Variants in TAFA5 observed in about 807,000 individuals in gnomAD.
The protein encoded by TAFA5 is TAFA chemokine like family member 5.
A neutral mutation model predicts 15.3 loss-of-function variants in TAFA5; 6 were observed. The observed-to-expected ratio is 0.39, with a 90% confidence interval of 0.21 to 0.77. The LOEUF (loss-of-function observed/expected upper bound fraction) is 0.77, where lower values mean the gene tolerates loss of function less well. Among genes scored for constraint, TAFA5 ranks in the 30% least tolerant of loss-of-function variants. The probability of loss-of-function intolerance (pLI) is 0.41; values close to 1 mark genes in which losing one functional copy is unlikely to be tolerated. For synonymous variants in TAFA5, 103 were observed against 80.7 expected (o/e 1.28, Z -1.48); for missense variants, 161 against 193.1 (o/e 0.83, Z 0.98).
At chr22:48,746,521 C>A (rs73177122) in intron 3 of TAFA5, among the ~76,000 whole-genome samples, 1 of 152,170 alleles carries the variant, frequency 6.6e-6, no homozygotes. Flanking sequence ...GAGATGCTCA[C>A]GTGGTGCTGG....
intron 3 of TAFA5, among the ~76,000 whole-genome samples, chr22:48,732,492 A>G (rs130211): frequency 0.7 from 105,616 of 151,964 alleles, 37,791 homozygotes; most frequent in African/African-American, 0.77. Flanking sequence ...TCCTAACCTC[A>G]TAATCCACCC....
Position 48,654,382 on chromosome 22 carries a change from G to A in TAFA5, c.262+7636G>A, listed in dbSNP as rs17823531. Among the ~76,000 whole-genome samples, 378 of 152,304 alleles carry A rather than the reference G, an allele frequency of 2.5e-3. 11 individuals carry two copies. In the East Asian group the frequency reaches 0.058, roughly 23 times the overall value. ...ACTGCACGTGGGATGCATCGTCCAC[G>A]GGCCTACAGGGTTTGGAAGGAGCAC... On this transcript the variant is annotated intron_variant, in intron 2 of 3. Coordinates refer to ENST00000402357, the MANE Select transcript of TAFA5 (RefSeq NM_001082967.3).
chr22:48,657,509 C>T (rs996570567), intron 2 of TAFA5, among the ~76,000 whole-genome samples: 1 of 152,198 alleles, frequency 6.6e-6, no homozygotes, highest in Non-Finnish European at 1.5e-5. Context: ...GAATAGGGGC[C>T]ACTTCTTAAC....
intron 2 of TAFA5, among the ~76,000 whole-genome samples, chr22:48,679,872 G>A (rs1159014248): frequency 6.6e-6 from 1 of 152,144 alleles, no homozygotes; most frequent in African/African-American, 2.4e-5. Context: ...GCACTCTCAG[G>A]GTTCTGCACA....
chr22:48,698,895 C>T lies in TAFA5; in HGVS notation c.263-8822C>T, dbSNP rs542120460. ...TGTGCCTCCTGCTCTACTGACCAGC[C>T]CAGAGCCCTGTTCCTCAGACCTAAG... On this transcript the variant is annotated intron_variant, in intron 2 of 3. Transcript: ENST00000402357. 2.0e-3 allele frequency among the ~76,000 whole-genome samples: 300 copies of T among 151,212 alleles called. 3 individuals carry two copies. The highest frequency in any genetic ancestry group is 0.014 in the Middle Eastern group (4 of 294).
chr22:48,578,852 G>A (rs1249624048), intron 1 of TAFA5, among the ~76,000 whole-genome samples: 1 of 152,096 alleles, frequency 6.6e-6, no homozygotes, highest in Non-Finnish European at 1.5e-5. Context: ...AGCAGTGAGA[G>A]GTGCAGGGAG....
At chr22:48,585,276 C>G (rs1330133604) in intron 1 of TAFA5, among the ~76,000 whole-genome samples, 1 of 151,504 alleles carries the variant, frequency 6.6e-6, no homozygotes, top group Non-Finnish European at 1.5e-5. Flanking sequence ...ACCACCTAAC[C>G]ACACACAACA....
At chr22:48,608,934 A>G (rs1212335743) in intron 1 of TAFA5, among the ~76,000 whole-genome samples, 2 of 152,232 alleles carry the variant, frequency 1.3e-5, no homozygotes, top group East Asian at 1.9e-4. Flanking sequence ...TGTCCGCAGT[A>G]TCTGATGGAC....
rs1425450309 is a variant in TAFA5 at position 48,750,602 on chromosome 22, A to T, written c.*755A>T. 3 of 152,610 alleles carry T rather than the reference A, an allele frequency of 2.0e-5. No homozygotes were observed. Among genetic ancestry groups the T allele is most frequent in the African/African-American group, 7.2e-5 (3 of 41,438 alleles). 9.5% of individuals were successfully genotyped at this position (152,610 alleles called of 1,614,324 possible). On this transcript the variant is annotated 3_prime_UTR_variant, in exon 4 of 4. Coordinates refer to ENST00000402357, the MANE Select transcript of TAFA5 (RefSeq NM_001082967.3). The stretch of plus-strand genomic sequence containing the variant: ...GGCCGCTTTATTCCTCTGTACTTAG[A>T]TCAACTTGACCGTACTAAAATCCCT...
intron 1 of TAFA5, among the ~76,000 whole-genome samples, chr22:48,604,465 G>A (rs1925086142): frequency 6.6e-6 from 1 of 152,222 alleles, no homozygotes; most frequent in African/African-American, 2.4e-5. Context: ...CGCCCAGCAG[G>A]GACTTTGTGG....
At chr22:48,609,158 G>A (rs35679817) in intron 1 of TAFA5, among the ~76,000 whole-genome samples, 19,380 of 152,154 alleles carry the variant, frequency 0.13, 1,332 homozygotes, top group African/African-American at 0.17. Flanking sequence ...GTGGGCGGTG[G>A]TGTGTTCTGA....
chr22:48,748,587 G>C (rs938628224), intron 3 of TAFA5, among the ~76,000 whole-genome samples: 1 of 152,202 alleles, frequency 6.6e-6, no homozygotes, highest in Non-Finnish European at 1.5e-5. Context: ...CCTCACCCCT[G>C]AGCCTCAGGT....
At chr22:48,583,516 C>G (rs1288514718) in intron 1 of TAFA5, among the ~76,000 whole-genome samples, 2 of 150,240 alleles carry the variant, frequency 1.3e-5, no homozygotes, top group Non-Finnish European at 3.0e-5. Context: ...CAACCAAACA[C>G]AAAATATACA....
intron 2 of TAFA5, among the ~76,000 whole-genome samples, chr22:48,705,769 C>T (rs762034943): frequency 1.1e-4 from 16 of 152,360 alleles, no homozygotes; most frequent in East Asian, 3.9e-4. Context: ...GTCTGGAGGA[C>T]GGTATGTTAG....
chr22:48,715,699 GT>G (rs1929382771), intron 3 of TAFA5, among the ~76,000 whole-genome samples: 1 of 152,188 alleles, frequency 6.6e-6, no homozygotes, highest in Non-Finnish European at 1.5e-5. Context: ...GACTGGGTGA[GT>G]GGTGGGGCCT....
intron 2 of TAFA5, among the ~76,000 whole-genome samples, chr22:48,667,298 T>C (rs1927650572): frequency 6.6e-6 from 1 of 152,012 alleles, no homozygotes; most frequent in Admixed American, 6.5e-5. Flanking sequence ...AACGGTGTGA[T>C]GATTTACCTG....
In TAFA5 at chr22:48,566,747, CCT is replaced by C. The variant is rs1477955100; in HGVS notation, c.112+77044_112+77045del. Among the ~76,000 whole-genome samples, 3 of 152,146 alleles carry C rather than the reference CCT, an allele frequency of 2.0e-5. No homozygotes were observed. ...GGGGTGAGGTGTGTAAAGGGTGTGG[CCT>C]GTAGAGAACCCAGCCCCTGATCATG... On this transcript the variant is annotated intron_variant, in intron 1 of 3. Transcript: ENST00000402357. The surrounding 1 kb of genome is among the most constrained non-coding windows in gnomAD (Gnocchi z 4.5).
At chr22:48,557,329 G>A (rs938540459) in intron 1 of TAFA5, among the ~76,000 whole-genome samples, 1 of 152,160 alleles carries the variant, frequency 6.6e-6, no homozygotes, top group Admixed American at 6.5e-5. Flanking sequence ...CACCCTGTGA[G>A]GACACAGAGA....
At chr22:48,594,176 G>T (rs911440233) in intron 1 of TAFA5, among the ~76,000 whole-genome samples, 9 of 152,204 alleles carry the variant, frequency 5.9e-5, no homozygotes, top group African/African-American at 2.2e-4. Context: ...AGGGAAGCAG[G>T]CGGCTGCTCT....
Sources: gnomAD v4.1 joint callset for allele counts (sites outside exome capture counted in the v4.1 genomes callset) on GRCh38, gnomAD v4.1.1 for gene constraint, Gnocchi (gnomAD v3.1) non-coding constraint, MANE v1.5 for transcripts, NCBI Gene and HGNC (gene_info 2026-07-23, HGNC 2026-07-21) for gene names.